Variants in BFSP1 observed in about 807,000 individuals in gnomAD.
The protein encoded by BFSP1 is filensin.
A neutral mutation model predicts 43.9 loss-of-function variants in BFSP1; 38 were observed. The observed-to-expected ratio is 0.87, with a 90% CI of 0.67 to 1.14. BFSP1 has a LOEUF of 1.14. BFSP1 is among the 50% of genes most tolerant of loss of function. The pLI is 0.00. For missense variants in BFSP1, 850 were observed against 875.1 expected, an observed-to-expected ratio of 0.97 and a Z score of 0.36; for synonymous variants, 352 against 354.8, an observed-to-expected ratio of 0.99 and a Z score of 0.09.
At chr20:17,561,584 T>C (rs927051242), upstream of BFSP1, among the ~76,000 whole-genome samples, 13 of 152,138 alleles carry the variant, frequency 8.5e-5, 1 homozygote, top group African/African-American at 3.1e-4. Flanking sequence ...GCTGAATGAA[T>C]GAATAAAAAC....
At chr20:17,530,910 G>A (rs1286029593) in intron 1 of BFSP1, 43 bp downstream of exon 1, 4 of 1,334,036 alleles carry the variant, frequency 3.0e-6, no homozygotes, top group South Asian at 1.9e-5. Flanking sequence ...CCGCCGGGAC[G>A]GCCCACGCCC....
At chr20:17,563,385 T>TCCTC (rs1313008696), upstream of BFSP1, among the ~76,000 whole-genome samples, 2 of 78,950 alleles carry the variant, frequency 2.5e-5, no homozygotes, top group African/African-American at 4.1e-5. Flanking sequence ...TACCTTTCCT[T>TCCTC]CCTCCCTCCC....
At chr20:17,516,223 A>G (rs754637670) in intron 2 of BFSP1, among the ~76,000 whole-genome samples, 1 of 152,186 alleles carries the variant, frequency 6.6e-6, no homozygotes, top group Non-Finnish European at 1.5e-5. Flanking sequence ...GCTACTCAGG[A>G]GGCTGAGGCA....
intron 5 of BFSP1, among the ~76,000 whole-genome samples, chr20:17,503,969 C>T (rs1456443870): frequency 6.6e-6 from 1 of 152,236 alleles, no homozygotes; most frequent in Non-Finnish European, 1.5e-5. Context: ...TCTTTCTACC[C>T]TACAAGTGGA....
In BFSP1 at chr20:17,531,093, G is replaced by A; in HGVS notation, c.237C>T (p.Gly79=). The A allele has an allele frequency of 7.3e-7, 1 of 1,361,896 alleles. No homozygotes were observed. Among genetic ancestry groups the A allele is most frequent in the Non-Finnish European group, 9.4e-7 (1 of 1,059,998 alleles). The allele number at this position is 1,361,896 out of a possible 1,614,324, so 84.4% of individuals were successfully genotyped here. A position where few individuals can be genotyped will look rare whatever the true frequency, so the allele number is the denominator to read the frequency against. ...RRQLDAFQRL[G]ELAGPEDALA... ...GGGCGTCCTCGGGCCCGGCCAGCTC[G>A]CCCAGGCGCTGGAAGGCATCCAGCT... The change falls in exon 1 of 8, where the codon GGC becomes GGT. Residue 79 remains glycine, a synonymous_variant. Transcript: ENST00000377873.
chr20:17,508,933 C>T lies in BFSP1; in HGVS notation c.691G>A (p.Val231Met). The stretch of plus-strand genomic sequence containing the variant: ...CTCTGCGCCTGCAGGTGGGAGAGCA[C>T]CTCCCGGCCCTCCTCCAGCTGACTC... ...LRSQLEEGREVLSHLQAQRVE... is the reference protein window; with the variant it reads ...LRSQLEEGREMLSHLQAQRVE... The change falls in exon 5 of 8, where the codon GTG (valine) becomes ATG (methionine). Residue 231 changes from valine (V) to methionine (M), a missense_variant. Coordinates refer to ENST00000377873, the MANE Select transcript of BFSP1 (RefSeq NM_001195.5). 1 of 1,605,274 alleles carries T rather than the reference C, an allele frequency of 6.2e-7. No homozygotes were observed. Among genetic ancestry groups the T allele is most frequent in the Non-Finnish European group, 8.5e-7 (1 of 1,176,620 alleles).
chr20:17,541,577 C>T (rs1174781097), intron 1 of BFSP1, among the ~76,000 whole-genome samples: 1 of 152,152 alleles, frequency 6.6e-6, no homozygotes, highest in Non-Finnish European at 1.5e-5. Flanking sequence ...TTATAAGACA[C>T]ATGAAAAGAA....
intron 1 of BFSP1, among the ~76,000 whole-genome samples, chr20:17,542,848 GT>G (rs2034742620): frequency 6.6e-6 from 1 of 152,156 alleles, no homozygotes; most frequent in South Asian, 2.1e-4. Context: ...GGCTCAAGAT[GT>G]TTCTGAAAAA....
At chr20:17,513,185 C>T (rs779896889) in intron 3 of BFSP1, among the ~76,000 whole-genome samples, 9 of 152,214 alleles carry the variant, frequency 5.9e-5, no homozygotes, top group Non-Finnish European at 1.0e-4. Flanking sequence ...CAGCTGGACT[C>T]CGGCTGAGGA....
chr20:17,563,698 A>C (rs1479308674), upstream of BFSP1, among the ~76,000 whole-genome samples: 1 of 151,930 alleles, frequency 6.6e-6, no homozygotes, highest in East Asian at 1.9e-4. Context: ...GCTGGGCAAC[A>C]TAGGGAGATC....
At chr20:17,500,818 T>C (rs1049222597) in intron 5 of BFSP1, among the ~76,000 whole-genome samples, 1 of 152,116 alleles carries the variant, frequency 6.6e-6, no homozygotes, top group South Asian at 2.1e-4. Context: ...CTTTATAAAG[T>C]AGAGGCCGAG....
At chr20:17,552,248 G>T (rs991696000) in intron 1 of BFSP1, among the ~76,000 whole-genome samples, 1 of 152,150 alleles carries the variant, frequency 6.6e-6, no homozygotes, top group Non-Finnish European at 1.5e-5. Flanking sequence ...TGATGGGAAA[G>T]CCATTTGGAT....
intron 4 of BFSP1, 137 bp from the exon 5 acceptor site, chr20:17,509,133 T>G (rs1466379961): frequency 3.1e-5 from 19 of 621,308 alleles, no homozygotes; most frequent in Non-Finnish European, 4.3e-5. Context: ...ACTCCCAAGA[T>G]GAAGGTTTTA....
intron 1 of BFSP1, among the ~76,000 whole-genome samples, chr20:17,528,236 G>A (rs1408150099): frequency 6.6e-6 from 1 of 152,220 alleles, no homozygotes; most frequent in Non-Finnish European, 1.5e-5. Flanking sequence ...GGGGCAAAGG[G>A]AGGGAATAAA....
intron 2 of BFSP1, among the ~76,000 whole-genome samples, chr20:17,519,076 C>T (rs1271480629): frequency 1.4e-5 from 2 of 144,544 alleles, no homozygotes; most frequent in Non-Finnish European, 2.9e-5. Context: ...CTTCCCTCTG[C>T]CCCTCTTAAG....
intron 2 of BFSP1, among the ~76,000 whole-genome samples, chr20:17,524,548 A>G (rs571359855): frequency 6.6e-6 from 1 of 152,216 alleles, no homozygotes; most frequent in South Asian, 2.1e-4. Context: ...GTTGGGCATC[A>G]GTATGTCTGA....
At chr20:17,504,206 A>C (rs1337905662) in intron 5 of BFSP1, among the ~76,000 whole-genome samples, 3 of 152,130 alleles carry the variant, frequency 2.0e-5, no homozygotes, top group Admixed American at 6.5e-5. Flanking sequence ...GAGCCCTCCA[A>C]CTCCGTACTG....
chr20:17,499,380 C>CTAT (rs1319684357), intron 5 of BFSP1, among the ~76,000 whole-genome samples: 2 of 145,038 alleles, frequency 1.4e-5, no homozygotes, highest in Non-Finnish European at 3.0e-5. Context: ...GCTGTGACTA[C>CTAT]AGGCAAGCAC....
intron 1 of BFSP1, among the ~76,000 whole-genome samples, chr20:17,538,573 C>T (rs930191806): frequency 1.3e-4 from 20 of 152,160 alleles, no homozygotes; most frequent in African/African-American, 4.3e-4. Flanking sequence ...TTGACAACCA[C>T]GGTAGGAGTT....
Sources: allele counts gnomAD v4.1 joint callset (sites outside exome capture counted in the v4.1 genomes callset), GRCh38; gene constraint gnomAD v4.1.1; transcripts MANE v1.5; gene names NCBI Gene and HGNC (gene_info 2026-07-23, HGNC 2026-07-21).